The following NOL4L variants were observed in gnomAD, a reference collection of about 807,000 sequenced individuals.
NOL4L encodes the protein nucleolar protein 4-like.
A neutral mutation model predicts 64.5 loss-of-function variants in NOL4L; 7 were observed. The observed-to-expected ratio is 0.11, with a 90% CI of 0.06 to 0.20. The LOEUF is 0.20. NOL4L is among the 10% of genes least tolerant of loss of function. The pLI is 1.00. For missense variants in NOL4L, 680 were observed against 967.1 expected (o/e 0.70, Z 3.94); for synonymous variants, 413 against 401.0 (o/e 1.03, Z -0.36).
At chr20:32,581,809 T>C (rs1240892005) in intron 1 of NOL4L, among the ~76,000 whole-genome samples, 1 of 152,158 alleles carries the variant, frequency 6.6e-6, no homozygotes, top group Non-Finnish European at 1.5e-5. Flanking sequence ...CAAAGGTTTA[T>C]GGCCCAATGA....
chr20:32,470,077 C>T (rs1453391114), intron 5 of NOL4L, among the ~76,000 whole-genome samples: 3 of 152,258 alleles, frequency 2.0e-5, no homozygotes, highest in Non-Finnish European at 4.4e-5. Flanking sequence ...TCAGCAATCC[C>T]CCGACTGCCC....
rs531437407 is a variant in NOL4L, at chr20:32,464,531, CCT to C, written c.842-8138_842-8137del. On this transcript the variant is annotated intron_variant, in intron 5 of 10. Coordinates refer to ENST00000621426, the MANE Select transcript of NOL4L (RefSeq NM_001256798.2). The surrounding 1 kb of genome is among the most constrained non-coding windows in gnomAD (Gnocchi z 5.6). The stretch of plus-strand genomic sequence containing the variant: ...CCCCATCTGGGTGCCACACTTGCCC[CCT>C]GATTTGCAGCCCCGGGGCGCCAGTT... Among the ~76,000 whole-genome samples, 491 of 152,338 alleles carry C rather than the reference CCT, an allele frequency of 3.2e-3. 1 individual carries two copies. The highest frequency in any genetic ancestry group is 3.8e-3 in the Non-Finnish European group (261 of 68,036).
chr20:32,483,920 G>A (rs1377789655), intron 4 of NOL4L, among the ~76,000 whole-genome samples: 1 of 150,028 alleles, frequency 6.7e-6, no homozygotes, highest in East Asian at 2.0e-4. Context: ...GGTGGGGAGC[G>A]CGCTCTTAAG....
At position 32,466,499 on chromosome 20, in the gene NOL4L, C is replaced by G. The variant is rs771256810; in HGVS notation, c.841+8102G>C. On this transcript the variant is annotated intron_variant, in intron 5 of 10. Transcript: ENST00000621426. ...TGATGATGGACACTTTCCTGTGACC[C>G]GGGACTGCCAGTGTGGCCCACAGCC... Among the ~76,000 whole-genome samples, 6 of 152,230 alleles carry G rather than the reference C, an allele frequency of 3.9e-5. No individual in the cohort carries two copies. In the East Asian group the frequency reaches 9.6e-4, roughly 24 times the overall value.
chr20:32,494,252 G>GAAAAAAA lies in NOL4L; in HGVS notation c.699+17094_699+17095insTTTTTTT, dbSNP rs1568654908. ...TGGGCCACAGAGTGAGATAATCTCG[G>GAAAAAAA]GAAAAAAAAAAAAAAAAAAAAAAAA... On this transcript the variant is annotated intron_variant, in intron 4 of 10. Coordinates refer to ENST00000621426, the MANE Select transcript of NOL4L (RefSeq NM_001256798.2). 1.1e-3 allele frequency among the ~76,000 whole-genome samples: 29 copies of GAAAAAAA among 27,094 alleles called. 3 individuals carry two copies. The highest frequency in any genetic ancestry group is 4.0e-3 in the African/African-American group (26 of 6,482). The allele number at this position is 27,094 out of a possible 152,430, so 17.8% of individuals were successfully genotyped here. A position where few individuals can be genotyped will look rare whatever the true frequency, so the allele number is the denominator to read the frequency against.
intron 1 of NOL4L, among the ~76,000 whole-genome samples, chr20:32,542,392 C>T (rs988949778): frequency 1.3e-4 from 20 of 152,154 alleles, no homozygotes; most frequent in African/African-American, 4.8e-4. Flanking sequence ...CTCGCTGTGT[C>T]ACCCAGACTG....
At chr20:32,488,940 C>G (rs2016335318) in intron 4 of NOL4L, among the ~76,000 whole-genome samples, 2 of 132,456 alleles carry the variant, frequency 1.5e-5, no homozygotes, top group Admixed American at 1.5e-4. Context: ...TATCCTTTGC[C>G]CATTTCTCTA....
At chr20:32,549,327 G>C (rs566039241) in intron 1 of NOL4L, among the ~76,000 whole-genome samples, 13 of 152,204 alleles carry the variant, frequency 8.5e-5, no homozygotes, top group Middle Eastern at 6.8e-3. Context: ...TTCTTCAATA[G>C]AGATATACAA....
intron 1 of NOL4L, among the ~76,000 whole-genome samples, chr20:32,541,047 A>ACACACG: frequency 1.3e-5 from 2 of 148,488 alleles, no homozygotes; most frequent in East Asian, 3.9e-4. Context: ...ACACACACAC[A>ACACACG]CTATTCCCTC....
intron 1 of NOL4L, among the ~76,000 whole-genome samples, chr20:32,576,211 G>A (rs901406519): frequency 6.6e-5 from 10 of 152,194 alleles, no homozygotes; most frequent in Non-Finnish European, 1.3e-4. Flanking sequence ...CTGGCTGTTT[G>A]TGGGAAGAAG....
In NOL4L at chr20:32,444,140, CTT is replaced by C. The variant is rs1223219608; in HGVS notation, c.*3454_*3455del. ...GGCATCTGTACATGTAAACAGTACA[CTT>C]TCACTGAGTCCAAAATTAGGAGCAA... is the stretch of plus-strand genomic sequence containing the variant. On this transcript the variant is annotated 3_prime_UTR_variant, in exon 11 of 11. Transcript: ENST00000621426. The C allele has an allele frequency of 6.6e-6, 1 of 152,198 alleles. No homozygotes were observed. Among genetic ancestry groups the C allele is most frequent in the Admixed American group, 6.5e-5 (1 of 15,286 alleles). The allele number at this position is 152,198 out of a possible 1,614,324, so 9.4% of individuals were successfully genotyped here.
chr20:32,570,947 T>G (rs1371817551), intron 1 of NOL4L, among the ~76,000 whole-genome samples: 1 of 152,110 alleles, frequency 6.6e-6, no homozygotes, highest in African/African-American at 2.4e-5. Context: ...GCACTCCCAC[T>G]TTTTTGGATG....
chr20:32,452,821 T>C (rs2013063148), intron 9 of NOL4L, 63 bp downstream of exon 9: 1 of 1,601,696 alleles, frequency 6.2e-7, no homozygotes, highest in Non-Finnish European at 8.5e-7. Flanking sequence ...TCCACACCCA[T>C]ATAAGGCCTG....
intron 3 of NOL4L, among the ~76,000 whole-genome samples, chr20:32,514,207 G>A (rs1472955748): frequency 3.9e-5 from 6 of 152,116 alleles, no homozygotes; most frequent in South Asian, 2.1e-4. Flanking sequence ...AGAAGTAGAC[G>A]TCGGCTGGGT....
intron 3 of NOL4L, among the ~76,000 whole-genome samples, chr20:32,513,947 G>A (rs1402567915): frequency 6.6e-6 from 1 of 152,114 alleles, no homozygotes; most frequent in Non-Finnish European, 1.5e-5. Flanking sequence ...GCCAACAAGC[G>A]GTGAAGTTAC....
Position 32,467,623 on chromosome 20 carries a change from G to T in NOL4L, c.841+6978C>A, listed in dbSNP as rs527695515. On this transcript the variant is annotated intron_variant, in intron 5 of 10. Coordinates refer to ENST00000621426, the MANE Select transcript of NOL4L (RefSeq NM_001256798.2). ...TGGTGCGCAGGGCTCAGAGAATCTGGGGGAGGTGAGGAAGACCGCCCACAT... is the reference window on the plus strand; with the variant it reads ...TGGTGCGCAGGGCTCAGAGAATCTGTGGGAGGTGAGGAAGACCGCCCACAT... Among the ~76,000 whole-genome samples, 231 of 152,274 alleles carry T rather than the reference G, an allele frequency of 1.5e-3. 1 individual carries two copies. Among genetic ancestry groups the T allele is most frequent in the Non-Finnish European group, 2.6e-3 (174 of 68,020 alleles).
intron 4 of NOL4L, among the ~76,000 whole-genome samples, chr20:32,507,677 C>A (rs1431705992): frequency 6.6e-6 from 1 of 152,066 alleles, no homozygotes; most frequent in Non-Finnish European, 1.5e-5. Context: ...TTTTCTTACC[C>A]AAAGTTTTCA....
At chr20:32,507,298 C>T (rs1245005517) in intron 4 of NOL4L, among the ~76,000 whole-genome samples, 1 of 152,216 alleles carries the variant, frequency 6.6e-6, no homozygotes, top group Admixed American at 6.5e-5. Context: ...TTGATGACAG[C>T]TCTTGGGGTC....
At chr20:32,562,443 G>A (rs990132214) in intron 1 of NOL4L, among the ~76,000 whole-genome samples, 4 of 152,196 alleles carry the variant, frequency 2.6e-5, no homozygotes, top group Non-Finnish European at 4.4e-5. Context: ...CTATGGCTCC[G>A]CCCACCTCAG....
Sources: gnomAD v4.1 joint callset for allele counts (sites outside exome capture counted in the v4.1 genomes callset) on GRCh38, gnomAD v4.1.1 for gene constraint, Gnocchi (gnomAD v3.1) non-coding constraint, MANE v1.5 for transcripts, NCBI Gene and HGNC (gene_info 2026-07-23, HGNC 2026-07-21) for gene names.